PIGK: variants seen among roughly 807,000 people sequenced by gnomAD.
The protein encoded by PIGK is GPI-anchor transamidase.
A neutral mutation model predicts 50.6 loss-of-function variants in PIGK; 42 were observed. That is an observed-to-expected ratio of 0.83 (90% CI 0.65 to 1.07). The LOEUF (loss-of-function observed/expected upper bound fraction) is 1.07, where lower values mean the gene tolerates loss of function less well. Among genes scored for constraint, PIGK ranks in the 50% least tolerant of loss-of-function variants. The probability of loss-of-function intolerance (pLI) is 0.00; values close to 1 mark genes in which losing one functional copy is unlikely to be tolerated. For synonymous variants in PIGK, 151 were observed against 156.0 expected (o/e 0.97, Z 0.24); for missense variants, 448 against 488.7 (o/e 0.92, Z 0.78).
intron 9 of PIGK, among the ~76,000 whole-genome samples, chr1:77,135,479 G>A (rs1007090550): frequency 3.3e-5 from 5 of 151,914 alleles, no homozygotes; most frequent in Admixed American, 3.3e-4. Flanking sequence ...GTAGTTGCCT[G>A]TAATCCTTTC....
chr1:77,160,640 T>C (rs1336473833), intron 8 of PIGK, among the ~76,000 whole-genome samples: 3 of 152,224 alleles, frequency 2.0e-5, no homozygotes, highest in African/African-American at 4.8e-5. Flanking sequence ...CATTGACACA[T>C]AGTAAATTAT....
intron 8 of PIGK, among the ~76,000 whole-genome samples, chr1:77,156,836 T>C (rs1452197934): frequency 6.6e-6 from 1 of 152,186 alleles, no homozygotes. Context: ...ATAAACCAGG[T>C]ACTGTAATTA....
chr1:77,168,730 A>G (rs946558815), intron 4 of PIGK, among the ~76,000 whole-genome samples: 1 of 151,798 alleles, frequency 6.6e-6, no homozygotes, highest in African/African-American at 2.4e-5. Context: ...ACTTCATAAA[A>G]GAAGACTTCA....
chr1:77,164,799 G>A (rs758572080), intron 5 of PIGK, among the ~76,000 whole-genome samples: 6 of 151,406 alleles, frequency 4.0e-5, no homozygotes, highest in African/African-American at 9.7e-5. Context: ...CTTGAATATC[G>A]GCACCTAAGT....
chr1:77,119,793 A>G (rs1360560725), intron 10 of PIGK, among the ~76,000 whole-genome samples: 1 of 152,048 alleles, frequency 6.6e-6, no homozygotes, highest in Non-Finnish European at 1.5e-5. Flanking sequence ...TTGTGCTACT[A>G]GTGAGAGTCC....
At chr1:77,218,777 C>A (rs1366701126) in intron 1 of PIGK, among the ~76,000 whole-genome samples, 1 of 152,138 alleles carries the variant, frequency 6.6e-6, no homozygotes, top group Non-Finnish European at 1.5e-5. Flanking sequence ...AAATGGGAAG[C>A]TGGAGGAGCC....
chr1:77,193,443 A>C (rs1226228274), intron 3 of PIGK, among the ~76,000 whole-genome samples: 1 of 152,178 alleles, frequency 6.6e-6, no homozygotes, highest in African/African-American at 2.4e-5. Context: ...AGGGTGTCTA[A>C]AAGGAACAGA....
At position 77,116,995 on chromosome 1, in the gene PIGK, A is replaced by T. The variant is rs116544504; in HGVS notation, c.1071+5280T>A. On this transcript the variant is annotated intron_variant, in intron 10 of 10. Coordinates refer to ENST00000370812, the MANE Select transcript of PIGK (RefSeq NM_005482.3). ...CTGTTGCTCTAACTAAATCTACTCA[A>T]CTTTAAAACTTCTTTTAGCATGGTC... 7.7e-3 allele frequency among the ~76,000 whole-genome samples: 1,166 copies of T among 152,260 alleles called. 4 individuals carry two copies. Among genetic ancestry groups the T allele is most frequent in the Admixed American group, 0.012 (185 of 15,290 alleles).
intron 3 of PIGK, among the ~76,000 whole-genome samples, chr1:77,171,436 C>CACAAAAAA (rs1655359282): frequency 2.1e-5 from 1 of 46,902 alleles, no homozygotes; most frequent in Non-Finnish European, 4.1e-5. Flanking sequence ...GACTCCACCT[C>CACAAAAAA]AAAAAAAAAA....
intron 9 of PIGK, chr1:77,128,995 T>A (rs931251926): frequency 4.4e-5 from 29 of 654,266 alleles, no homozygotes; most frequent in Non-Finnish European, 7.5e-5. Flanking sequence ...ATTTCAGTGT[T>A]GCACTATAAC....
At chr1:77,138,017 C>CA (rs1654561480) in intron 9 of PIGK, among the ~76,000 whole-genome samples, 1 of 152,264 alleles carries the variant, frequency 6.6e-6, no homozygotes, top group Middle Eastern at 3.4e-3. Flanking sequence ...TTGTGGTAAG[C>CA]AAAATTCTAA....
At chr1:77,175,466 A>T (rs1330853784) in intron 3 of PIGK, among the ~76,000 whole-genome samples, 1 of 152,176 alleles carries the variant, frequency 6.6e-6, no homozygotes, top group Non-Finnish European at 1.5e-5. Flanking sequence ...TATGCACCAA[A>T]AGTAAACGCT....
chr1:77,195,011 C>T, intron 3 of PIGK: 2 of 746,982 alleles, frequency 2.7e-6, no homozygotes, highest in African/African-American at 1.7e-5. Context: ...CCAAACTCCA[C>T]CAAGCTCCTG....
chr1:77,219,202 A>T, intron 1 of PIGK, 108 bp downstream of exon 1: 1 of 844,616 alleles, frequency 1.2e-6, no homozygotes, highest in South Asian at 1.5e-5. Context: ...AGCCTGGGTC[A>T]GGGGCTGATT....
intron 10 of PIGK, among the ~76,000 whole-genome samples, chr1:77,105,942 G>A (rs1183798675): frequency 6.6e-6 from 1 of 152,136 alleles, no homozygotes. Flanking sequence ...GAAAACAACG[G>A]AAAGACATCT....
intron 3 of PIGK, among the ~76,000 whole-genome samples, chr1:77,203,116 T>C (rs551405981): frequency 1.5e-4 from 23 of 152,276 alleles, no homozygotes; most frequent in African/African-American, 5.5e-4. Context: ...AAAATAGTAA[T>C]AGCACTGGAG....
At chr1:77,170,710 T>G (rs1655340725) in intron 3 of PIGK, among the ~76,000 whole-genome samples, 1 of 152,246 alleles carries the variant, frequency 6.6e-6, no homozygotes, top group South Asian at 2.1e-4. Context: ...TCTTTGATAC[T>G]TCTCATCTTC....
chr1:77,161,128 G>T (rs934773696), intron 8 of PIGK, among the ~76,000 whole-genome samples, 167 bp downstream of exon 8: 2 of 152,196 alleles, frequency 1.3e-5, no homozygotes, highest in Non-Finnish European at 2.9e-5. Context: ...CTTGTAGAGA[G>T]ACAGAGAAAT....
intron 3 of PIGK, among the ~76,000 whole-genome samples, chr1:77,170,558 G>A (rs713232): frequency 0.35 from 53,212 of 152,002 alleles, 10,136 homozygotes; most frequent in East Asian, 0.45. Flanking sequence ...TGAGGGCAGG[G>A]GCTATATCTG....
Sources: gnomAD v4.1 joint callset for allele counts (sites outside exome capture counted in the v4.1 genomes callset) on GRCh38, gnomAD v4.1.1 for gene constraint, MANE v1.5 for transcripts, NCBI Gene and HGNC (gene_info 2026-07-23, HGNC 2026-07-21) for gene names.